Variants in CPPED1 observed in about 807,000 individuals in gnomAD.
CPPED1 encodes the protein serine/threonine-protein phosphatase CPPED1.
In CPPED1, 28 loss-of-function variants were observed where a neutral mutation model predicts 28.0. That is an observed-to-expected ratio of 1.00 (90% CI 0.74 to 1.37). The LOEUF (loss-of-function observed/expected upper bound fraction) is 1.37. Ranked by LOEUF, CPPED1 falls within the 40% of genes most tolerant of loss-of-function variation. The pLI is 0.00. For synonymous variants in CPPED1, 198 were observed against 180.2 expected, an observed-to-expected ratio of 1.10 and a Z score of -0.79; for missense variants, 504 against 416.5, an observed-to-expected ratio of 1.21 and a Z score of -1.83.
chr16:12,792,935 TC>T (rs2080605573), intron 1 of CPPED1, among the ~76,000 whole-genome samples: 1 of 152,018 alleles, frequency 6.6e-6, no homozygotes, highest in Non-Finnish European at 1.5e-5. Context: ...TTAGTACACT[TC>T]CCCTCCTCTT....
intron 1 of CPPED1, among the ~76,000 whole-genome samples, chr16:12,792,294 G>A (rs2080601342): frequency 6.6e-6 from 1 of 152,172 alleles, no homozygotes; most frequent in Admixed American, 6.5e-5. Flanking sequence ...ACCAGTGGCT[G>A]TAGTCCCATC....
chr16:12,666,692 G>GCTGCC (rs1182950133), intron 3 of CPPED1, among the ~76,000 whole-genome samples: 1 of 152,168 alleles, frequency 6.6e-6, no homozygotes, highest in African/African-American at 2.4e-5. Flanking sequence ...CTACCATAGA[G>GCTGCC]ATACAAGAGC....
intron 3 of CPPED1, among the ~76,000 whole-genome samples, chr16:12,690,035 GT>G (rs2079954212): frequency 6.6e-6 from 1 of 152,164 alleles, no homozygotes; most frequent in Non-Finnish European, 1.5e-5. Context: ...TCAAGACAAT[GT>G]TTCAAACCAA....
Position 12,735,344 on chromosome 16 carries a change from C to T in CPPED1, c.290-30295G>A, listed in dbSNP as rs142566267. ...TCTTGCTCTGTTGCCCAGGCTAGAG[C>T]ACAGTGGCATGATCTCGGCTCACTG... On this transcript the variant is annotated intron_variant, in intron 2 of 3. Coordinates refer to ENST00000381774, the MANE Select transcript of CPPED1 (RefSeq NM_018340.3). Among the ~76,000 whole-genome samples the T allele has an allele frequency of 6.7e-3, 1,024 of 152,264 alleles. 6 individuals are homozygous for T. Among genetic ancestry groups the T allele is most frequent in the Middle Eastern group, 0.034 (10 of 294 alleles).
At chr16:12,687,885 A>T (rs552438089) in intron 3 of CPPED1, among the ~76,000 whole-genome samples, 1 of 152,186 alleles carries the variant, frequency 6.6e-6, no homozygotes, top group Non-Finnish European at 1.5e-5. Context: ...GATTTTATGA[A>T]GACAGTAATA....
chr16:12,795,310 A>G (rs1208140574), intron 1 of CPPED1, among the ~76,000 whole-genome samples: 1 of 151,888 alleles, frequency 6.6e-6, no homozygotes, highest in Non-Finnish European at 1.5e-5. Context: ...GCTCTGGAGT[A>G]GTGCACACAG....
intron 3 of CPPED1, among the ~76,000 whole-genome samples, chr16:12,701,931 C>T (rs1212973383): frequency 1.3e-5 from 2 of 152,174 alleles, no homozygotes; most frequent in African/African-American, 4.8e-5. Flanking sequence ...AGCTAACCCC[C>T]CTGTTTTCTC....
chr16:12,686,503 A>G (rs926614808), intron 3 of CPPED1, among the ~76,000 whole-genome samples: 1 of 152,198 alleles, frequency 6.6e-6, no homozygotes, highest in Non-Finnish European at 1.5e-5. Context: ...ATTAGAATAC[A>G]GTTTTGTCAA....
rs192292845 is a variant in CPPED1 at position 12,766,318 on chromosome 16, T to G, written c.289+14867A>C. Among the ~76,000 whole-genome samples, 7 of 149,450 alleles carry G rather than the reference T, an allele frequency of 4.7e-5. No individual in the cohort carries two copies. The East Asian group carries it at 1.4e-3, about 29-fold the overall frequency. ...AAAGAGAGAGAGAGAGAGCTGGGTATTGTATTAGTACATTTTTGTGCTGCT... is the reference window on the plus strand; with the variant it reads ...AAAGAGAGAGAGAGAGAGCTGGGTAGTGTATTAGTACATTTTTGTGCTGCT... On this transcript the variant is annotated intron_variant, in intron 2 of 3. Transcript: ENST00000381774.
chr16:12,667,316 A>C (rs1303652070), intron 3 of CPPED1, among the ~76,000 whole-genome samples: 4 of 152,224 alleles, frequency 2.6e-5, no homozygotes, highest in African/African-American at 7.2e-5. Context: ...AAGATATCAA[A>C]GGGTCCTTAA....
At chr16:12,690,634 T>C (rs181100886) in intron 3 of CPPED1, among the ~76,000 whole-genome samples, 121 of 111,522 alleles carry the variant, frequency 1.1e-3, no homozygotes, top group Admixed American at 2.8e-3. Flanking sequence ...TTGGGCAAAA[T>C]AGTGAAACAG....
chr16:12,784,626 AC>A (rs2080552175), intron 1 of CPPED1, among the ~76,000 whole-genome samples: 2 of 152,030 alleles, frequency 1.3e-5, no homozygotes, highest in African/African-American at 4.8e-5. Context: ...TTGCATAATA[AC>A]CTTTTTTACA....
intron 2 of CPPED1, among the ~76,000 whole-genome samples, chr16:12,766,256 T>TATATATAGAG: frequency 7.4e-5 from 10 of 134,252 alleles, no homozygotes; most frequent in Non-Finnish European, 4.5e-5. Flanking sequence ...TATATATATA[T>TATATATAGAG]AGAGAGAGAG....
At chr16:12,675,008 C>T (rs1490518041) in intron 3 of CPPED1, among the ~76,000 whole-genome samples, 2 of 152,196 alleles carry the variant, frequency 1.3e-5, no homozygotes, top group South Asian at 2.1e-4. Flanking sequence ...CTCTGCAACA[C>T]GCAGCCTCTC....
chr16:12,759,984 C>T (rs749435196), intron 2 of CPPED1, among the ~76,000 whole-genome samples: 3 of 152,226 alleles, frequency 2.0e-5, no homozygotes, highest in Non-Finnish European at 4.4e-5. Flanking sequence ...CCACTGAAAG[C>T]TCCTTGTTCT....
At chr16:12,781,580 C>T (rs746032251) in intron 1 of CPPED1, among the ~76,000 whole-genome samples, 177 bp from the exon 2 acceptor site, 10 of 152,070 alleles carry the variant, frequency 6.6e-5, no homozygotes, top group African/African-American at 1.2e-4. Flanking sequence ...TTGATTTATA[C>T]TAATTATGCC....
chr16:12,781,549 C>G, intron 1 of CPPED1, 146 bp from the exon 2 acceptor site: 1 of 736,496 alleles, frequency 1.4e-6, no homozygotes, highest in Non-Finnish European at 2.2e-6. Context: ...ATACCATTTT[C>G]CTGTCATAGT....
At chr16:12,765,932 C>T (rs35673107) in intron 2 of CPPED1, among the ~76,000 whole-genome samples, 31,730 of 152,060 alleles carry the variant, frequency 0.21, 4,030 homozygotes, top group East Asian at 0.3. Flanking sequence ...CTTTTCAGTG[C>T]TTCATTTCGT....
chr16:12,803,106 TTA>T (rs2141250096), intron 1 of CPPED1, among the ~76,000 whole-genome samples: 1 of 152,314 alleles, frequency 6.6e-6, no homozygotes, highest in South Asian at 2.1e-4. Flanking sequence ...GAGGCAGGTA[TTA>T]TCAAACCCAT....
Sources: gnomAD v4.1 joint callset for allele counts (sites outside exome capture counted in the v4.1 genomes callset) on GRCh38, gnomAD v4.1.1 for gene constraint, MANE v1.5 for transcripts, NCBI Gene and HGNC (gene_info 2026-07-23, HGNC 2026-07-21) for gene names.